Variants in TRAM2 observed in about 807,000 individuals in gnomAD.
The protein encoded by TRAM2 is translocation associated membrane protein 2.
TRAM2 carries 12 observed loss-of-function variants against 51.0 expected under a neutral mutation model. The ratio of observed to expected loss-of-function variants is 0.24; its 90% confidence interval spans 0.15 to 0.38. TRAM2 has a LOEUF of 0.38. Among genes scored for constraint, TRAM2 ranks in the 10% least tolerant of loss-of-function variants. The pLI is 1.00. For missense variants in TRAM2, 361 were observed against 462.0 expected (o/e 0.78, Z 2.00); for synonymous variants, 175 against 179.4 (o/e 0.98, Z 0.20).
chr6:52,501,279 C>T lies in TRAM2; in HGVS notation c.*1918G>A, dbSNP rs1392771100. ...GCTCTTCCCATTTCTGCAACCTTATCGTAGAGAGGGATGAAGGCCTCCAAT... is the reference window on the plus strand; with the variant it reads ...GCTCTTCCCATTTCTGCAACCTTATTGTAGAGAGGGATGAAGGCCTCCAAT... On this transcript the variant is annotated 3_prime_UTR_variant, in exon 11 of 11. Transcript: ENST00000182527. The T allele has an allele frequency of 6.6e-6, 1 of 152,166 alleles. No homozygotes were observed. Among genetic ancestry groups the T allele is most frequent in the East Asian group, 1.9e-4 (1 of 5,198 alleles). The allele number at this position is 152,166 out of a possible 1,614,324, so 9.4% of individuals were successfully genotyped here.
At chr6:52,554,040 A>G (rs1363465612) in intron 1 of TRAM2, among the ~76,000 whole-genome samples, 2 of 152,094 alleles carry the variant, frequency 1.3e-5, no homozygotes, top group Non-Finnish European at 2.9e-5. Flanking sequence ...GCCAGCCCTG[A>G]GCACACCATC....
Position 52,499,626 on chromosome 6 carries a change from GGAGGTCCCAAAAGAGACCCCA to G in TRAM2, c.*3550_*3570del, listed in dbSNP as rs1766164465. 2 of 152,134 alleles carry G rather than the reference GGAGGTCCCAAAAGAGACCCCA, an allele frequency of 1.3e-5. No individual in the cohort carries two copies. Among genetic ancestry groups the G allele is most frequent in the African/African-American group, 4.8e-5 (2 of 41,422 alleles). The allele number at this position is 152,134 out of a possible 1,614,324, so 9.4% of individuals were successfully genotyped here. A position where few individuals can be genotyped will look rare whatever the true frequency, so the allele number is the denominator to read the frequency against. On this transcript the variant is annotated 3_prime_UTR_variant, in exon 11 of 11. Coordinates refer to ENST00000182527, the MANE Select transcript of TRAM2 (RefSeq NM_012288.4). Reference sequence around the variant, plus strand: ...AGAAAAAAGAAGGGGTACTGACAAAGGAGGTCCCAAAAGAGACCCCAGAAGCACACACCCACCCCAAGCTTC... The same window carrying G: ...AGAAAAAAGAAGGGGTACTGACAAAGGAAGCACACACCCACCCCAAGCTTC...
At chr6:52,562,570 T>A (rs1013381834) in intron 1 of TRAM2, among the ~76,000 whole-genome samples, 1 of 152,210 alleles carries the variant, frequency 6.6e-6, no homozygotes, top group South Asian at 2.1e-4. Context: ...AGAATTTTTT[T>A]AAATTATACT....
At chr6:52,533,014 A>G (rs543590589) in intron 2 of TRAM2, among the ~76,000 whole-genome samples, 5 of 147,796 alleles carry the variant, frequency 3.4e-5, no homozygotes, top group African/African-American at 1.0e-4. Context: ...AATACTATAT[A>G]TGATTTCACT....
chr6:52,533,600 C>T (rs1360648585), intron 2 of TRAM2, among the ~76,000 whole-genome samples: 1 of 152,180 alleles, frequency 6.6e-6, no homozygotes, highest in Non-Finnish European at 1.5e-5. Context: ...ACTTGGTTGC[C>T]CCAGAAAAGC....
rs1221568437 is a variant in TRAM2, at chr6:52,505,726, C to T, written c.748G>A (p.Ala250Thr). 2 of 1,611,486 alleles carry T rather than the reference C, an allele frequency of 1.2e-6. No homozygotes were observed. The highest frequency in any genetic ancestry group is 1.7e-5 in the Admixed American group (1 of 59,724). Residue 250 changes from alanine (A) to threonine (T), a missense_variant, in exon 9 of 11, where the codon GCT becomes ACT. Coordinates refer to ENST00000182527, the MANE Select transcript of TRAM2 (RefSeq NM_012288.4). ...AAGAGGCGGGTAACCCCAAAAACAG[C>T]AGCCCAGGCACTGAACCTGCTCACA... is the stretch of plus-strand genomic sequence containing the variant. ...NNEKLFSAWA[A>T]VFGVTRLFIL...
rs778188890 is a variant in TRAM2 at position 52,504,611 on chromosome 6, C to A, written c.1019G>T (p.Arg340Met). The change falls in exon 10 of 11, where the codon AGG (arginine) becomes ATG (methionine). Residue 340 changes from arginine (R) to methionine (M), a missense_variant. Transcript: ENST00000182527. The part of the protein sequence containing the change: ...RVPATPRLPA[R>M]LIKRESGYHE... ...CTCACCAGATTCCCTCTTGATGAGC[C>A]TGGCTGGTAGTCTGGGTGTGGCTGG... 6.2e-7 allele frequency: 1 copy of A among 1,614,182 alleles called. No homozygotes were observed. Among genetic ancestry groups the A allele is most frequent in the Non-Finnish European group, 8.5e-7 (1 of 1,180,052 alleles).
chr6:52,575,051 G>A (rs1246216477), intron 1 of TRAM2, among the ~76,000 whole-genome samples: 1 of 152,218 alleles, frequency 6.6e-6, no homozygotes, highest in Non-Finnish European at 1.5e-5. Context: ...CAAACAGACA[G>A]CAGAGAATGC....
intron 1 of TRAM2, among the ~76,000 whole-genome samples, chr6:52,569,149 C>G (rs545033453): frequency 6.6e-6 from 1 of 152,280 alleles, no homozygotes; most frequent in South Asian, 2.1e-4. Flanking sequence ...AATCCCAACA[C>G]TTTGGGAGGC....
At chr6:52,548,126 C>T (rs968109310) in intron 1 of TRAM2, among the ~76,000 whole-genome samples, 2 of 152,222 alleles carry the variant, frequency 1.3e-5, no homozygotes, top group African/African-American at 4.8e-5. Flanking sequence ...TCTTCAATCA[C>T]AAAATATTGA....
chr6:52,538,242 C>T (rs1020658604), intron 1 of TRAM2, among the ~76,000 whole-genome samples: 9 of 152,212 alleles, frequency 5.9e-5, no homozygotes, highest in African/African-American at 1.2e-4. Context: ...TGATTTCATT[C>T]AAGAAATGCA....
At chr6:52,564,873 T>G (rs1169180425) in intron 1 of TRAM2, among the ~76,000 whole-genome samples, 1 of 152,138 alleles carries the variant, frequency 6.6e-6, no homozygotes, top group Non-Finnish European at 1.5e-5. Context: ...GAGCAGGTGG[T>G]GCTTTTGCCA....
In TRAM2 at chr6:52,544,844, C is replaced by T. The variant is rs80182133; in HGVS notation, c.121-8998G>A. Among the ~76,000 whole-genome samples, 219 of 152,296 alleles carry T rather than the reference C, an allele frequency of 1.4e-3. 5 individuals carry two copies. The East Asian group carries it at 0.038, about 26-fold the overall frequency. On this transcript the variant is annotated intron_variant, in intron 1 of 10. Transcript: ENST00000182527. ...CCCAGGAAAATGTGCTACAGATGAA[C>T]AGGAGATACAAATATAACACCAAAG...
intron 2 of TRAM2, among the ~76,000 whole-genome samples, chr6:52,520,867 C>T (rs950310609): frequency 6.6e-6 from 1 of 152,098 alleles, no homozygotes; most frequent in Non-Finnish European, 1.5e-5. Flanking sequence ...TATTCTGATT[C>T]GCACAAATTA....
At chr6:52,517,886 G>C (rs1394567019) in intron 2 of TRAM2, among the ~76,000 whole-genome samples, 1 of 152,224 alleles carries the variant, frequency 6.6e-6, no homozygotes, top group Admixed American at 6.5e-5. Context: ...AGAATGTAAC[G>C]GTGGGCAGTG....
At chr6:52,551,184 G>A (rs1767302170) in intron 1 of TRAM2, among the ~76,000 whole-genome samples, 2 of 152,188 alleles carry the variant, frequency 1.3e-5, no homozygotes, top group African/African-American at 4.8e-5. Flanking sequence ...GCCTCAGGCT[G>A]CAGTGACAAA....
chr6:52,528,866 C>A (rs2114080946), intron 2 of TRAM2, among the ~76,000 whole-genome samples: 1 of 151,774 alleles, frequency 6.6e-6, no homozygotes, highest in South Asian at 2.1e-4. Flanking sequence ...GCTCACACTG[C>A]CTTACAAACG....
chr6:52,528,856 G>A (rs1203549031), intron 2 of TRAM2, among the ~76,000 whole-genome samples: 1 of 150,546 alleles, frequency 6.6e-6, no homozygotes, highest in Non-Finnish European at 1.5e-5. Flanking sequence ...CAGAACTTCT[G>A]CTCACACTGC....
At chr6:52,564,450 A>C (rs1173742688) in intron 1 of TRAM2, among the ~76,000 whole-genome samples, 1 of 152,082 alleles carries the variant, frequency 6.6e-6, no homozygotes, top group Non-Finnish European at 1.5e-5. Context: ...CAATACAGAG[A>C]CACTTGCCAT....
Sources: gnomAD v4.1 joint callset for allele counts (sites outside exome capture counted in the v4.1 genomes callset) on GRCh38, gnomAD v4.1.1 for gene constraint, MANE v1.5 for transcripts, NCBI Gene and HGNC (gene_info 2026-07-23, HGNC 2026-07-21) for gene names.